The following ZNF536 variants were observed in gnomAD, a reference collection of about 807,000 sequenced individuals.
ZNF536 encodes the protein zinc finger protein 536.
Under a neutral mutation model 84.5 loss-of-function variants are expected in ZNF536, and 13 were observed. The observed-to-expected ratio is 0.15, with a 90% confidence interval of 0.10 to 0.24. The LOEUF (loss-of-function observed/expected upper bound fraction) is 0.24, where lower values mean the gene tolerates loss of function less well. Ranked by LOEUF, ZNF536 falls within the 10% of genes least tolerant of loss-of-function variation. The pLI is 1.00. For missense variants in ZNF536, 1,536 were observed against 1,747.5 expected (o/e 0.88, Z 2.16); for synonymous variants, 811 against 742.5 (o/e 1.09, Z -1.50).
chr19:30,500,387 C>T (rs2054900259), intron 2 of ZNF536, among the ~76,000 whole-genome samples: 1 of 152,196 alleles, frequency 6.6e-6, no homozygotes, highest in Admixed American at 6.5e-5. Context: ...TTCAGGCTCA[C>T]TCCTGGTTCT....
chr19:30,626,612 C>A (rs1225310797), intron 1 of ZNF536, among the ~76,000 whole-genome samples: 3 of 152,142 alleles, frequency 2.0e-5, no homozygotes, highest in African/African-American at 7.2e-5. Context: ...CCCCGCTACC[C>A]CCACTTGGAG....
intron 2 of ZNF536, among the ~76,000 whole-genome samples, chr19:30,348,355 A>G (rs1258098379): frequency 6.6e-6 from 1 of 152,212 alleles, no homozygotes; most frequent in Non-Finnish European, 1.5e-5. Context: ...AAACAGTGTC[A>G]GGGTACCTAA....
At chr19:30,535,085 T>G in intron 3 of ZNF536, 86 bp downstream of exon 3, 1 of 1,452,088 alleles carries the variant, frequency 6.9e-7, no homozygotes, top group Non-Finnish European at 9.3e-7. Flanking sequence ...GGTCCACAGC[T>G]GTGTGGGTCA....
At chr19:30,248,224 C>CTTTTTTTTTTTTTT (rs58799737) in intron 1 of ZNF536, among the ~76,000 whole-genome samples, 1 of 131,004 alleles carries the variant, frequency 7.6e-6, no homozygotes, top group East Asian at 2.3e-4. Flanking sequence ...TCTTTTCTTT[C>CTTTTTTTTTTTTTT]TTTTTTTTTT....
intron 2 of ZNF536, among the ~76,000 whole-genome samples, chr19:30,312,214 CT>C (rs1316859119): frequency 6.6e-6 from 1 of 152,150 alleles, no homozygotes; most frequent in Non-Finnish European, 1.5e-5. Flanking sequence ...GAAGATGAGC[CT>C]TTCCAGGATG....
intron 1 of ZNF536, among the ~76,000 whole-genome samples, chr19:30,656,667 T>A (rs1380387250): frequency 6.6e-6 from 1 of 152,230 alleles, no homozygotes; most frequent in Non-Finnish European, 1.5e-5. Context: ...CACCTCACTG[T>A]CTACTTTGGC....
intron 1 of ZNF536, among the ~76,000 whole-genome samples, chr19:30,596,751 T>G (rs2047478517): frequency 6.6e-6 from 1 of 151,584 alleles, no homozygotes; most frequent in African/African-American, 2.4e-5. Flanking sequence ...AAGGAAACTT[T>G]TTTTGCGAGT....
At chr19:30,333,078 GA>G (rs772158447) in intron 2 of ZNF536, among the ~76,000 whole-genome samples, 2 of 151,930 alleles carry the variant, frequency 1.3e-5, no homozygotes, top group Non-Finnish European at 2.9e-5. Flanking sequence ...TCCCATTTTC[GA>G]CCTTCTGCCA....
At chr19:30,271,291 T>C (rs1160274807) in intron 1 of ZNF536, among the ~76,000 whole-genome samples, 2 of 127,218 alleles carry the variant, frequency 1.6e-5, no homozygotes, top group African/African-American at 6.0e-5. Context: ...CCTGTGTTTT[T>C]TTCTTTTCTT....
rs546704791 is a variant in ZNF536 at position 30,501,692 on chromosome 19, G to A, written c.2171-33155G>A. ...GTTCACGTAGGTCAGTGGGGAAATAGAATTTGGATTGCAATAATTATTTAT... is the reference window on the plus strand; with the variant it reads ...GTTCACGTAGGTCAGTGGGGAAATAAAATTTGGATTGCAATAATTATTTAT... On this transcript the variant is annotated intron_variant, in intron 2 of 4. Transcript: ENST00000355537. Among the ~76,000 whole-genome samples the A allele has an allele frequency of 2.6e-4, 40 of 152,320 alleles. No individual in the cohort carries two copies. In the South Asian group the frequency reaches 8.3e-3, roughly 32 times the overall value.
chr19:30,355,970 A>T (rs972339648), intron 3 of ZNF536, among the ~76,000 whole-genome samples: 2 of 152,188 alleles, frequency 1.3e-5, no homozygotes, highest in African/African-American at 2.4e-5. Context: ...TTAAGCATCT[A>T]CCTGCCTCTG....
rs2146210428 is a variant in ZNF536 at position 30,548,635 on chromosome 19, T to C, written c.3016T>C (p.Cys1006Arg). The change falls in exon 4 of 5, where the codon TGT becomes CGT. Residue 1006 changes from cysteine (C) to arginine (R), a missense_variant. This residue lies in a region of ZNF536 where 624 missense variants were observed against 603.1 expected (regional missense o/e 1.03). Transcript: ENST00000355537. Reference protein sequence around the residue: ...DSIAWHGCLFCAFTTSSMELM... With the variant: ...DSIAWHGCLFRAFTTSSMELM... ...CATTGCATGGCACGGCTGCTTGTTT[T>C]GTGCTTTCACAACGTCCTCCATGGA... 1 of 1,614,164 alleles carries C rather than the reference T, an allele frequency of 6.2e-7. No individual in the cohort carries two copies.
intron 2 of ZNF536, among the ~76,000 whole-genome samples, chr19:30,485,048 G>A (rs904057939): frequency 8.5e-5 from 13 of 152,056 alleles, no homozygotes; most frequent in African/African-American, 1.7e-4. Context: ...GGAGGCTGAG[G>A]CAGGAGAATG....
At chr19:30,614,964 T>TTTTTTTTTTTTTTTTTTTTTTTG in intron 1 of ZNF536, among the ~76,000 whole-genome samples, 1 of 98,938 alleles carries the variant, frequency 1.0e-5, no homozygotes, top group African/African-American at 3.9e-5. Flanking sequence ...TTTTTTTTTT[T>TTTTTTTTTTTTTTTTTTTTTTTG]GAGGCGGAGT....
At chr19:30,678,743 A>G (rs1273258196) in intron 1 of ZNF536, among the ~76,000 whole-genome samples, 1 of 29,930 alleles carries the variant, frequency 3.3e-5, no homozygotes, top group African/African-American at 1.1e-4. Context: ...GCCCCCCCAC[A>G]CACACCTATA....
Position 30,444,969 on chromosome 19 carries a change from G to T in ZNF536, c.1407G>T (p.Leu469=). The T allele has an allele frequency of 6.2e-7, 1 of 1,611,564 alleles. No homozygotes were observed. Among genetic ancestry groups the T allele is most frequent in the Non-Finnish European group, 8.5e-7 (1 of 1,178,916 alleles). Residue 469 remains leucine, a synonymous_variant, in exon 2 of 5, where the codon CTG becomes CTT. Coordinates refer to ENST00000355537, the MANE Select transcript of ZNF536 (RefSeq NM_014717.3). Reference sequence around the variant, plus strand: ...AGGAGAAGGAAGCGCTGGGGAAGCTGCTGTCTCCCATCTCCAGCATGGCCC... The same window carrying T: ...AGGAGAAGGAAGCGCTGGGGAAGCTTCTGTCTCCCATCTCCAGCATGGCCC... The part of the protein sequence containing the change: ...PMKEKEALGK[L]LSPISSMAHG...
chr19:30,245,564 G>A (rs138173784), intron 1 of ZNF536, among the ~76,000 whole-genome samples: 84 of 152,312 alleles, frequency 5.5e-4, no homozygotes, highest in African/African-American at 1.9e-3. Context: ...GTCCCATGAC[G>A]CATCCTTTGT....
At position 30,228,565 on chromosome 19, in the gene ZNF536, C is replaced by T. The variant is rs1324910344; in HGVS notation, c.-298C>T. The T allele has an allele frequency of 1.3e-5, 2 of 151,238 alleles. No individual in the cohort carries two copies. Among genetic ancestry groups the T allele is most frequent in the Admixed American group, 6.6e-5 (1 of 15,260 alleles). The allele number at this position is 151,238 out of a possible 1,614,324, so 9.4% of individuals were successfully genotyped here. A position where few individuals can be genotyped will look rare whatever the true frequency, so the allele number is the denominator to read the frequency against. On this transcript the variant is annotated 5_prime_UTR_variant, in exon 1 of 6. Coordinates refer to the ZNF536 transcript ENST00000585628. This position sits in a 1 kb window ranked among gnomAD's most constrained non-coding sequence, Gnocchi z 4.5. ...ATCCCGCGCCTCCCAGTCCGGAGTCCATTTGCATAATTGGATTTTTTTTTT... is the reference window on the plus strand; with the variant it reads ...ATCCCGCGCCTCCCAGTCCGGAGTCTATTTGCATAATTGGATTTTTTTTTT...
upstream of ZNF536, among the ~76,000 whole-genome samples, chr19:30,367,871 T>C (rs928515783): frequency 1.3e-5 from 2 of 152,208 alleles, no homozygotes; most frequent in Middle Eastern, 3.2e-3. Context: ...CTTCTTCCTG[T>C]GTCCCAGTCC....
Sources: gnomAD v4.1 joint callset for allele counts (sites outside exome capture counted in the v4.1 genomes callset) on GRCh38, gnomAD v4.1.1 for gene constraint, gnomAD v4.1.1 regional missense constraint, Gnocchi (gnomAD v3.1) non-coding constraint, MANE v1.5 for transcripts, NCBI Gene and HGNC (gene_info 2026-07-23, HGNC 2026-07-21) for gene names.